Variants in PAPPA2 observed in about 807,000 individuals in gnomAD.
PAPPA2 encodes pappalysin 2.
Under a neutral mutation model 176.4 loss-of-function variants are expected in PAPPA2, and 86 were observed. The ratio of observed to expected loss-of-function variants is 0.49; its 90% confidence interval spans 0.41 to 0.58. The LOEUF (loss-of-function observed/expected upper bound fraction) is 0.58. Among genes scored for constraint, PAPPA2 ranks in the 20% least tolerant of loss-of-function variants. The pLI, the probability that PAPPA2 is intolerant of heterozygous loss-of-function variation, is 0.00. For missense variants in PAPPA2, 2,073 were observed against 2,256.9 expected (o/e 0.92, Z 1.65); for synonymous variants, 809 against 852.2 (o/e 0.95, Z 0.88).
chr1:176,605,043 AG>A (rs1474218145), intron 3 of PAPPA2, among the ~76,000 whole-genome samples: 2 of 152,192 alleles, frequency 1.3e-5, no homozygotes, highest in Non-Finnish European at 2.9e-5. Context: ...TTAGCTAAGG[AG>A]GGAATGGCTT....
chr1:176,655,995 T>C (rs1378554184), intron 3 of PAPPA2, among the ~76,000 whole-genome samples: 1 of 151,910 alleles, frequency 6.6e-6, no homozygotes, highest in African/African-American at 2.4e-5. Context: ...AGTAAACATT[T>C]AATTTTTAAA....
intron 11 of PAPPA2, among the ~76,000 whole-genome samples, chr1:176,711,465 T>C (rs1661137736): frequency 6.6e-6 from 1 of 152,164 alleles, no homozygotes; most frequent in African/African-American, 2.4e-5. Context: ...CCTAACTCAG[T>C]AGCCTCACTT....
chr1:176,651,540 C>T (rs1421504404), intron 3 of PAPPA2, among the ~76,000 whole-genome samples: 1 of 151,564 alleles, frequency 6.6e-6, no homozygotes, highest in East Asian at 1.9e-4. Flanking sequence ...CTTTTAGAAT[C>T]CTTTCTTTGT....
At chr1:176,833,407 C>T (rs1667151905) in intron 21 of PAPPA2, among the ~76,000 whole-genome samples, 1 of 152,186 alleles carries the variant, frequency 6.6e-6, no homozygotes, top group East Asian at 1.9e-4. Flanking sequence ...AACAGGATTA[C>T]ATAAAAACTC....
intron 12 of PAPPA2, among the ~76,000 whole-genome samples, chr1:176,736,788 A>G (rs1231937450): frequency 2.0e-5 from 3 of 151,176 alleles, no homozygotes; most frequent in Admixed American, 2.0e-4. Flanking sequence ...AAGAAAAATT[A>G]TATATTTATT....
At chr1:176,572,323 C>G (rs1652396988) in intron 2 of PAPPA2, among the ~76,000 whole-genome samples, 1 of 152,138 alleles carries the variant, frequency 6.6e-6, no homozygotes, top group Non-Finnish European at 1.5e-5. Context: ...CACTCAGGGG[C>G]CAAGCAGCCA....
At chr1:176,618,548 A>G (rs1265356451) in intron 3 of PAPPA2, among the ~76,000 whole-genome samples, 1 of 152,252 alleles carries the variant, frequency 6.6e-6, no homozygotes, top group Non-Finnish European at 1.5e-5. Context: ...GTTGTGAAAG[A>G]CAACATGAGA....
chr1:176,573,202 T>G (rs1483423902), intron 2 of PAPPA2, among the ~76,000 whole-genome samples: 1 of 152,196 alleles, frequency 6.6e-6, no homozygotes, highest in African/African-American at 2.4e-5. Flanking sequence ...GTGTGTGACT[T>G]CTTGGCTTTT....
At position 176,675,204 on chromosome 1, in the gene PAPPA2, G is replaced by A. The variant is rs758758861; in HGVS notation, c.2137+4089G>A. Among the ~76,000 whole-genome samples the A allele has an allele frequency of 5.9e-5, 9 of 151,990 alleles. No individual in the cohort carries two copies. The South Asian group carries it at 8.3e-4, about 14-fold the overall frequency. The stretch of plus-strand genomic sequence containing the variant: ...CCTCTATTCTAACTGCCTAGCAAAA[G>A]AAAGTTAAATATTCTTTGGAGAAAG... On this transcript the variant is annotated intron_variant, in intron 4 of 22. Transcript: ENST00000367662.
intron 17 of PAPPA2, among the ~76,000 whole-genome samples, chr1:176,779,813 T>C (rs1046314160): frequency 6.6e-6 from 1 of 152,162 alleles, no homozygotes; most frequent in African/African-American, 2.4e-5. Context: ...AGCACCTGCT[T>C]TCAGCCACGC....
At chr1:176,537,185 A>T (rs1650110984) in intron 1 of PAPPA2, 1 of 152,208 alleles carries the variant, frequency 6.6e-6, no homozygotes, top group African/African-American at 2.4e-5. Context: ...AAGGGTAAGC[A>T]TGTTGTTGAA....
At chr1:176,812,956 A>T (rs919518917) in intron 21 of PAPPA2, among the ~76,000 whole-genome samples, 1 of 151,938 alleles carries the variant, frequency 6.6e-6, no homozygotes, top group Non-Finnish European at 1.5e-5. Context: ...ACCTGCCCCG[A>T]CATGCCCCAG....
chr1:176,684,661 T>C (rs993786199), intron 4 of PAPPA2, among the ~76,000 whole-genome samples: 3 of 152,178 alleles, frequency 2.0e-5, no homozygotes, highest in Non-Finnish European at 4.4e-5. Flanking sequence ...ATGATAATCA[T>C]ATTCCCCATA....
intron 4 of PAPPA2, among the ~76,000 whole-genome samples, chr1:176,680,063 G>A (rs1247025296): frequency 6.6e-6 from 1 of 152,220 alleles, no homozygotes; most frequent in East Asian, 1.9e-4. Flanking sequence ...ATGGATACTG[G>A]GTAAGACATT....
intron 3 of PAPPA2, among the ~76,000 whole-genome samples, chr1:176,596,284 G>T (rs1306505019): frequency 6.6e-6 from 1 of 152,100 alleles, no homozygotes; most frequent in Non-Finnish European, 1.5e-5. Flanking sequence ...CTGATACACA[G>T]CCTCTTAATG....
chr1:176,708,897 T>G (rs901109246), intron 10 of PAPPA2, among the ~76,000 whole-genome samples: 1 of 152,154 alleles, frequency 6.6e-6, no homozygotes, highest in Admixed American at 6.5e-5. Context: ...GTGTTGTTAT[T>G]TTGAATCTTA....
rs1354986149 is a variant in PAPPA2 at position 176,690,436 on chromosome 1, A to AC, written c.2431+8dup. 2 of 1,611,488 alleles carry AC rather than the reference A, an allele frequency of 1.2e-6. No homozygotes were observed. Among genetic ancestry groups the AC allele is most frequent in the African/African-American group, 2.7e-5 (2 of 74,988 alleles). On this transcript the variant is annotated splice_region_variant and intron_variant, in intron 5 of 22. Transcript: ENST00000367662. ...CAACTACATGAGCTACACGGGTATCACCACTGTCTTGTTTTGTTTTCTGTT... is the reference window on the plus strand; with the variant it reads ...CAACTACATGAGCTACACGGGTATCACCCACTGTCTTGTTTTGTTTTCTGTT...
At chr1:176,640,371 T>G (rs1322533814) in intron 3 of PAPPA2, among the ~76,000 whole-genome samples, 1 of 116,606 alleles carries the variant, frequency 8.6e-6, no homozygotes, top group Non-Finnish European at 1.6e-5. Context: ...GTCCCCAGAG[T>G]GTGATGTTCC....
At chr1:176,500,649 G>A (rs1384354956) in intron 1 of PAPPA2, among the ~76,000 whole-genome samples, 2 of 151,852 alleles carry the variant, frequency 1.3e-5, no homozygotes, top group South Asian at 2.1e-4. Context: ...TTTTTGAACA[G>A]TAACATGAAT....
Sources: allele counts gnomAD v4.1 joint callset (sites outside exome capture counted in the v4.1 genomes callset), GRCh38; gene constraint gnomAD v4.1.1; transcripts MANE v1.5; gene names NCBI Gene and HGNC (gene_info 2026-07-23, HGNC 2026-07-21).